Variants in RNF152 observed in about 807,000 individuals in gnomAD.
RNF152 encodes ring finger protein 152, also known as E3 ubiquitin-protein ligase RNF152.
A neutral mutation model predicts 12.7 loss-of-function variants in RNF152; 11 were observed. The observed-to-expected ratio is 0.86, with a 90% CI of 0.54 to 1.43. RNF152 has a LOEUF of 1.43. Among genes scored for constraint, RNF152 ranks in the 40% most tolerant of loss-of-function variants. RNF152 has a pLI of 0.00. For synonymous variants in RNF152, 113 were observed against 120.3 expected, an observed-to-expected ratio of 0.94 and a Z score of 0.40; for missense variants, 255 against 274.8, an observed-to-expected ratio of 0.93 and a Z score of 0.51.
intron 1 of RNF152, among the ~76,000 whole-genome samples, chr18:61,846,981 G>A (rs993449240): frequency 6.6e-6 from 1 of 152,024 alleles, no homozygotes; most frequent in African/African-American, 2.4e-5. Flanking sequence ...GTAACTCAGG[G>A]ACAATCACAC....
chr18:61,838,564 T>A (rs4083955), intron 1 of RNF152, among the ~76,000 whole-genome samples: 72,360 of 151,946 alleles, frequency 0.48, 17,583 homozygotes, highest in Non-Finnish European at 0.52. Context: ...ATGAACAGTC[T>A]TCATTCCTCT....
At chr18:61,891,681 T>C (rs1270089960) in intron 1 of RNF152, among the ~76,000 whole-genome samples, 1 of 152,238 alleles carries the variant, frequency 6.6e-6, no homozygotes, top group Non-Finnish European at 1.5e-5. Context: ...ATGCTTGTAG[T>C]AGAAGGATAA....
At chr18:61,885,672 C>T (rs1473868938) in intron 1 of RNF152, among the ~76,000 whole-genome samples, 1 of 152,076 alleles carries the variant, frequency 6.6e-6, no homozygotes, top group African/African-American at 2.4e-5. Flanking sequence ...ACATATTTCC[C>T]TCTTTCATAA....
chr18:61,823,462 A>AT (rs33930800), intron 1 of RNF152, among the ~76,000 whole-genome samples: 1 of 151,804 alleles, frequency 6.6e-6, no homozygotes, highest in East Asian at 1.9e-4. Flanking sequence ...CACCCAGCTA[A>AT]TTTTTTTTGT....
At chr18:61,856,379 T>C (rs1000014159) in intron 1 of RNF152, among the ~76,000 whole-genome samples, 1 of 152,150 alleles carries the variant, frequency 6.6e-6, no homozygotes, top group African/African-American at 2.4e-5. Flanking sequence ...TGTTGGGAAC[T>C]CATCTGCCAC....
At chr18:61,849,487 C>G (rs1410855355) in intron 1 of RNF152, among the ~76,000 whole-genome samples, 1 of 152,206 alleles carries the variant, frequency 6.6e-6, no homozygotes, top group Non-Finnish European at 1.5e-5. Flanking sequence ...TTTCCCCCAA[C>G]AGCCACACGA....
intron 1 of RNF152, among the ~76,000 whole-genome samples, chr18:61,821,904 C>T (rs926720813): frequency 6.6e-6 from 1 of 152,170 alleles, no homozygotes; most frequent in Admixed American, 6.5e-5. Flanking sequence ...AACCATCGGT[C>T]CCTACCCATC....
chr18:61,865,905 T>C (rs925870425), intron 1 of RNF152, among the ~76,000 whole-genome samples: 1 of 152,206 alleles, frequency 6.6e-6, no homozygotes, highest in South Asian at 2.1e-4. Flanking sequence ...GTCAATTACA[T>C]ATCTCCCTGT....
chr18:61,828,786 T>G (rs1160039597), intron 1 of RNF152, among the ~76,000 whole-genome samples: 3 of 152,188 alleles, frequency 2.0e-5, no homozygotes, highest in African/African-American at 4.8e-5. Flanking sequence ...TATAAGGCAC[T>G]ACTCTAGGTT....
At chr18:61,844,100 A>AAGAAAGAAAGAAAG (rs1568275287) in intron 1 of RNF152, among the ~76,000 whole-genome samples, 9 of 139,654 alleles carry the variant, frequency 6.4e-5, no homozygotes, top group Non-Finnish European at 1.1e-4. Flanking sequence ...GAAAGAAAGA[A>AAGAAAGAAAGAAAG]AGAAAGAAAG....
chr18:61,875,431 C>A (rs930695153), intron 1 of RNF152, among the ~76,000 whole-genome samples: 1 of 152,188 alleles, frequency 6.6e-6, no homozygotes, highest in African/African-American at 2.4e-5. Flanking sequence ...GTCCTCTGTT[C>A]CAGAAAACAA....
intron 1 of RNF152, chr18:61,888,365 T>G (rs776841042): frequency 6.6e-6 from 1 of 152,238 alleles, no homozygotes; most frequent in Non-Finnish European, 1.5e-5. Context: ...GGTTCCCTAC[T>G]TACAACTGTT....
rs561099306 is a variant in RNF152, at chr18:61,816,491, C to T, written c.-28G>A. On this transcript the variant is annotated 5_prime_UTR_variant, in exon 2 of 2. Coordinates refer to ENST00000312828, the MANE Select transcript of RNF152 (RefSeq NM_173557.3). ...TGGACCGTGAGCAGGAAGGGCAAGG[C>T]CAAGGTGAAGGGGAAGGAGCTGCTT... The T allele has an allele frequency of 3.8e-6, 6 of 1,572,974 alleles. No homozygotes were observed. Among genetic ancestry groups the T allele is most frequent in the African/African-American group, 1.3e-5 (1 of 74,476 alleles).
chr18:61,834,763 T>A (rs1356003901), intron 1 of RNF152, among the ~76,000 whole-genome samples: 1 of 152,222 alleles, frequency 6.6e-6, no homozygotes. Flanking sequence ...TCATACATTA[T>A]CAGTATGCTT....
chr18:61,867,077 G>T (rs1044818347), intron 1 of RNF152, among the ~76,000 whole-genome samples: 1 of 152,060 alleles, frequency 6.6e-6, no homozygotes, highest in South Asian at 2.1e-4. Flanking sequence ...CTAGATGCTC[G>T]CCAGCTGAAG....
At chr18:61,844,118 GAAAGAAAGAA>G (rs1568275394) in intron 1 of RNF152, among the ~76,000 whole-genome samples, 1 of 112,824 alleles carries the variant, frequency 8.9e-6, no homozygotes, top group Non-Finnish European at 2.2e-5. Context: ...AAGAAAGAAA[GAAAGAAAGAA>G]AGAAAGAAAG....
intron 1 of RNF152, among the ~76,000 whole-genome samples, chr18:61,870,421 A>G (rs1419558618): frequency 2.0e-5 from 3 of 152,056 alleles, no homozygotes; most frequent in Non-Finnish European, 4.4e-5. Context: ...CCCCTGCTCC[A>G]GTTTTTTTCC....
chr18:61,837,730 A>G (rs1251512137), intron 1 of RNF152, among the ~76,000 whole-genome samples: 1 of 152,210 alleles, frequency 6.6e-6, no homozygotes, highest in Admixed American at 6.5e-5. Context: ...AAAGCTGCCA[A>G]TAGCCCTTTA....
rs543736392 is a variant in RNF152 at position 61,827,496 on chromosome 18, TA to T, written c.-135-10899del. On this transcript the variant is annotated intron_variant, in intron 1 of 1. Transcript: ENST00000312828. ...TTAAGACTCATTTACTTTCACACAT[TA>T]AAAAATATATATTTCTTTAAATTTC... Among the ~76,000 whole-genome samples the T allele has an allele frequency of 5.6e-3, 848 of 152,278 alleles. 4 individuals carry two copies. The highest frequency in any genetic ancestry group is 8.0e-3 in the Non-Finnish European group (543 of 68,018).
Sources: allele counts gnomAD v4.1 joint callset (sites outside exome capture counted in the v4.1 genomes callset), GRCh38; gene constraint gnomAD v4.1.1; transcripts MANE v1.5; gene names NCBI Gene and HGNC (gene_info 2026-07-23, HGNC 2026-07-21).